The following EPS15 variants were observed in gnomAD, a reference collection of about 807,000 sequenced individuals.
EPS15 encodes the protein epidermal growth factor receptor pathway substrate 15.
A neutral mutation model predicts 113.8 loss-of-function variants in EPS15; 72 were observed. The observed-to-expected ratio is 0.63, with a 90% CI of 0.52 to 0.77. The LOEUF is 0.77. Ranked by LOEUF, EPS15 falls within the 30% of genes least tolerant of loss-of-function variation. EPS15 has a pLI of 0.00. For missense variants in EPS15, 1,048 were observed against 1,045.8 expected, an observed-to-expected ratio of 1.00 and a Z score of -0.03; for synonymous variants, 344 against 363.4, an observed-to-expected ratio of 0.95 and a Z score of 0.61.
chr1:51,431,327 G>A (rs1359824778), intron 12 of EPS15, among the ~76,000 whole-genome samples: 1 of 152,058 alleles, frequency 6.6e-6, no homozygotes, highest in African/African-American at 2.4e-5. Context: ...ACTGAAAAGA[G>A]AGCCTAAGTA....
intron 1 of EPS15, among the ~76,000 whole-genome samples, chr1:51,508,270 G>GAGAGAGAA (rs1553139501): frequency 8.4e-5 from 10 of 119,128 alleles, no homozygotes; most frequent in African/African-American, 3.7e-4. Context: ...GAGAGAGAGA[G>GAGAGAGAA]AGAAAGAGAG....
intron 1 of EPS15, among the ~76,000 whole-genome samples, chr1:51,509,674 C>A (rs539051526): frequency 6.6e-6 from 1 of 152,296 alleles, no homozygotes; most frequent in South Asian, 2.1e-4. Flanking sequence ...CCTAGACAAG[C>A]TTAGATTTTC....
chr1:51,472,257 C>T (rs1348704295), intron 3 of EPS15, among the ~76,000 whole-genome samples: 2 of 152,070 alleles, frequency 1.3e-5, no homozygotes, highest in Non-Finnish European at 2.9e-5. Flanking sequence ...TTTCATTAAT[C>T]CAAGTTCTAA....
intron 2 of EPS15, among the ~76,000 whole-genome samples, chr1:51,476,314 T>C (rs565370311): frequency 2.0e-5 from 3 of 152,324 alleles, no homozygotes; most frequent in East Asian, 1.9e-4. Context: ...TTTCATGATA[T>C]TGATTCTTCC....
At chr1:51,381,044 C>A (rs1230642663) in intron 21 of EPS15, among the ~76,000 whole-genome samples, 1 of 152,136 alleles carries the variant, frequency 6.6e-6, no homozygotes, top group Non-Finnish European at 1.5e-5. Flanking sequence ...ACATTAAACA[C>A]TGACAGAACT....
chr1:51,405,878 T>C (rs770635653), intron 16 of EPS15, 27 bp downstream of exon 16: 13 of 1,590,438 alleles, frequency 8.2e-6, no homozygotes, highest in African/African-American at 1.4e-5. Flanking sequence ...AGGTTGATTA[T>C]GAAGGTTATG....
intron 21 of EPS15, among the ~76,000 whole-genome samples, chr1:51,378,036 C>T (rs984038875): frequency 6.6e-6 from 1 of 151,974 alleles, no homozygotes; most frequent in Admixed American, 6.6e-5. Flanking sequence ...GCTGGGATTA[C>T]AGGCACCCGC....
chr1:51,415,427 C>A (rs1223767490), intron 13 of EPS15, among the ~76,000 whole-genome samples: 1 of 152,108 alleles, frequency 6.6e-6, no homozygotes, highest in African/African-American at 2.4e-5. Flanking sequence ...AAACTTCAAG[C>A]TGGAACGATG....
intron 4 of EPS15, 34 bp downstream of exon 4, chr1:51,471,656 C>CAA (rs558733170): frequency 3.2e-5 from 45 of 1,406,846 alleles, no homozygotes; most frequent in Non-Finnish European, 3.8e-5. Context: ...TTGAATCACT[C>CAA]AAAAAAAAAA....
At chr1:51,503,006 C>CAAAAAAAAAA (rs56340331) in intron 1 of EPS15, among the ~76,000 whole-genome samples, 24 of 67,420 alleles carry the variant, frequency 3.6e-4, no homozygotes, top group Middle Eastern at 9.6e-3. Flanking sequence ...GACTCTGTCT[C>CAAAAAAAAAA]AAAAAAAAAA....
chr1:51,354,423 G>A lies in EPS15; in HGVS notation c.*2277C>T, dbSNP rs1422034697. Reference sequence around the variant, plus strand: ...CAATTGCAAATTGGATATATGGATGGGATTCTTTATTATTACTTAAAGTTT... The same window carrying A: ...CAATTGCAAATTGGATATATGGATGAGATTCTTTATTATTACTTAAAGTTT... On this transcript the variant is annotated 3_prime_UTR_variant, in exon 25 of 25. Transcript: ENST00000371733. The A allele has an allele frequency of 5.6e-6, 1 of 179,982 alleles. No individual in the cohort carries two copies. Among genetic ancestry groups the A allele is most frequent in the African/African-American group, 2.4e-5 (1 of 42,264 alleles). 11.1% of individuals were successfully genotyped at this position (179,982 alleles called of 1,614,324 possible).
chr1:51,433,374 A>G (rs1214512465), intron 12 of EPS15, among the ~76,000 whole-genome samples: 1 of 152,260 alleles, frequency 6.6e-6, no homozygotes, highest in Non-Finnish European at 1.5e-5. Context: ...ATGGTTATTC[A>G]TATTTCCATT....
chr1:51,493,168 T>C (rs1644266842), intron 1 of EPS15, among the ~76,000 whole-genome samples: 1 of 152,244 alleles, frequency 6.6e-6, no homozygotes, highest in African/African-American at 2.4e-5. Context: ...GAAACCATCC[T>C]GGCTAACATG....
intron 5 of EPS15, among the ~76,000 whole-genome samples, 153 bp downstream of exon 5, chr1:51,468,320 A>G (rs1414449950): frequency 6.6e-6 from 1 of 152,194 alleles, no homozygotes. Context: ...AATTAACTAA[A>G]AACAGCAGGA....
intron 21 of EPS15, among the ~76,000 whole-genome samples, chr1:51,389,673 T>C (rs1647203396): frequency 6.6e-6 from 1 of 152,040 alleles, no homozygotes; most frequent in Non-Finnish European, 1.5e-5. Flanking sequence ...TATACACCAA[T>C]AACAGACAGA....
Position 51,403,548 on chromosome 1 carries a change from G to C in EPS15, c.1678-16C>G. On this transcript the variant is annotated splice_polypyrimidine_tract_variant and intron_variant, in intron 16 of 24. Coordinates refer to ENST00000371733, the MANE Select transcript of EPS15 (RefSeq NM_001981.3). Reference sequence around the variant, plus strand: ...TACTTCTTGCCTACAAAATATTAATGCAAGTAGATTAACAATATACTTTTT... The same window carrying C: ...TACTTCTTGCCTACAAAATATTAATCCAAGTAGATTAACAATATACTTTTT... The C allele has an allele frequency of 1.4e-6, 2 of 1,383,138 alleles. No individual in the cohort carries two copies. The highest frequency in any genetic ancestry group is 2.6e-5 in the South Asian group (2 of 77,816). The allele number at this position is 1,383,138 out of a possible 1,614,324, so 85.7% of individuals were successfully genotyped here.
intron 8 of EPS15, among the ~76,000 whole-genome samples, chr1:51,451,572 G>T (rs72696137): frequency 0.03 from 4,506 of 151,026 alleles, 119 homozygotes; most frequent in African/African-American, 0.051. Context: ...AGAAAATTAG[G>T]CATAGAATAG....
At chr1:51,487,515 T>A (rs1259986092) in intron 1 of EPS15, among the ~76,000 whole-genome samples, 1 of 152,172 alleles carries the variant, frequency 6.6e-6, no homozygotes, top group Non-Finnish European at 1.5e-5. Flanking sequence ...CCAGTTTGAA[T>A]GAAAAATTAT....
In EPS15 at chr1:51,365,943, T is replaced by C. The variant is rs748368835; in HGVS notation, c.2196+10A>G. 6.1e-5 allele frequency: 96 copies of C among 1,574,096 alleles called. No individual in the cohort carries two copies. Among genetic ancestry groups the C allele is most frequent in the Non-Finnish European group, 7.6e-5 (87 of 1,149,568 alleles). ...TATGTTTTCCCTTCCCATTAATTAC[T>C]GTAGATTACCTTTGACAATGTGCTG... On this transcript the variant is annotated intron_variant, in intron 22 of 24. Transcript: ENST00000371733.
Sources: allele counts gnomAD v4.1 joint callset (sites outside exome capture counted in the v4.1 genomes callset), GRCh38; gene constraint gnomAD v4.1.1; transcripts MANE v1.5; gene names NCBI Gene and HGNC (gene_info 2026-07-23, HGNC 2026-07-21).